ZNF738: variants seen among roughly 807,000 people sequenced by gnomAD.
ZNF738 encodes the protein protein ZNF738.
In ZNF738, 10 loss-of-function variants were observed where a neutral mutation model predicts 9.2. The ratio of observed to expected loss-of-function variants is 1.09; its 90% CI spans 0.67 to 1.85. ZNF738 has a LOEUF of 1.85. Among genes scored for constraint, ZNF738 ranks in the 40% most tolerant of loss-of-function variants. The pLI is 0.00. For missense variants in ZNF738, 346 were observed against 283.6 expected (o/e 1.22, Z -1.58); for synonymous variants, 113 against 94.5 (o/e 1.20, Z -1.14).
At chr19:21,367,950 A>G (rs1322643677) in intron 2 of ZNF738, among the ~76,000 whole-genome samples, 3 of 152,156 alleles carry the variant, frequency 2.0e-5, no homozygotes, top group Non-Finnish European at 2.9e-5. Flanking sequence ...TTCTCCATCT[A>G]CCTAGCATTA....
intron 1 of ZNF738, 98 bp from the exon 2 acceptor site, chr19:21,361,668 G>A: frequency 1.4e-6 from 1 of 718,968 alleles, no homozygotes; most frequent in South Asian, 1.4e-5. Context: ...CCGGTCCTGG[G>A]TTTCAGTATT....
At chr19:21,369,135 T>A (rs1973824656) in intron 2 of ZNF738, among the ~76,000 whole-genome samples, 1 of 152,196 alleles carries the variant, frequency 6.6e-6, no homozygotes, top group Non-Finnish European at 1.5e-5. Flanking sequence ...AGTGTCTCAC[T>A]CTGTCACATA....
chr19:21,374,594 AATC>A (rs1568369176), intron 2 of ZNF738, among the ~76,000 whole-genome samples: 1 of 152,134 alleles, frequency 6.6e-6, no homozygotes, highest in African/African-American at 2.4e-5. Context: ...GCTGTGCATA[AATC>A]ATCACATTTA....
chr19:21,367,511 G>A (rs756069101), intron 2 of ZNF738, among the ~76,000 whole-genome samples: 1 of 152,126 alleles, frequency 6.6e-6, no homozygotes, highest in Non-Finnish European at 1.5e-5. Flanking sequence ...TTGAGTTGGT[G>A]TTAGAGAATT....
Position 21,387,092 on chromosome 19 carries a change from A to AC in ZNF738, c.*3419dup, listed in dbSNP as rs1479766922. On this transcript the variant is annotated 3_prime_UTR_variant, in exon 5 of 5. Transcript: ENST00000683779. The stretch of plus-strand genomic sequence containing the variant: ...GAAAGATGCAATAATGCTTTTGACA[A>AC]CACCTCAAGCTTTTCTAACCATAAA... 6.5e-6 allele frequency: 1 copy of AC among 153,744 alleles called. No individual in the cohort carries two copies. The highest frequency in any genetic ancestry group is 1.5e-5 in the Non-Finnish European group (1 of 68,098). 9.5% of individuals were successfully genotyped at this position (153,744 alleles called of 1,614,324 possible).
At chr19:21,374,364 A>G (rs1447361832) in intron 2 of ZNF738, among the ~76,000 whole-genome samples, 1 of 152,190 alleles carries the variant, frequency 6.6e-6, no homozygotes, top group Non-Finnish European at 1.5e-5. Context: ...TCTGCATAAA[A>G]CTGATTTTTC....
At chr19:21,378,926 C>T (rs1973973179) in intron 4 of ZNF738, 1 of 152,274 alleles carries the variant, frequency 6.6e-6, no homozygotes, top group African/African-American at 2.4e-5. Flanking sequence ...TTGCAGCTCC[C>T]GAGATTCTCT....
chr19:21,386,380 A>G lies in ZNF738; in HGVS notation c.*2706A>G. ...AGCTTTTAATCAATCCTCAAACCTT[A>G]CTAAACATAAGATAACTCATACTGG... is the stretch of plus-strand genomic sequence containing the variant. On this transcript the variant is annotated 3_prime_UTR_variant, in exon 5 of 5. Coordinates refer to ENST00000683779, the MANE Select transcript of ZNF738 (RefSeq NM_001355237.2). 1 of 315,736 alleles carries G rather than the reference A, an allele frequency of 3.2e-6. No homozygotes were observed. The highest frequency in any genetic ancestry group is 3.2e-5 in the South Asian group (1 of 30,938). The allele number at this position is 315,736 out of a possible 1,614,324, so 19.6% of individuals were successfully genotyped here.
chr19:21,375,751 A>G (rs1424859991), intron 3 of ZNF738, 118 bp from the exon 4 acceptor site: 2 of 503,398 alleles, frequency 4.0e-6, no homozygotes, highest in Admixed American at 3.5e-5. Context: ...GTCATTAAAT[A>G]GTATTTTGGG....
At chr19:21,378,324 A>G (rs1447173110) in intron 4 of ZNF738, 2 of 235,476 alleles carry the variant, frequency 8.5e-6, no homozygotes, top group African/African-American at 4.5e-5. Context: ...GTGTTTTAAT[A>G]TGATTTTGTG....
At chr19:21,377,866 A>G (rs1973952550) in intron 4 of ZNF738, 1 of 380,946 alleles carries the variant, frequency 2.6e-6, no homozygotes. Flanking sequence ...TTCTGAAACA[A>G]AGAGACTTAC....
intron 4 of ZNF738, chr19:21,381,312 C>A: frequency 1.7e-5 from 26 of 1,575,482 alleles, no homozygotes; most frequent in Non-Finnish European, 2.3e-5. Context: ...TCAACATAGT[C>A]CATTTCCGCT....
intron 4 of ZNF738, chr19:21,379,213 A>G (rs1349083301): frequency 1.3e-5 from 2 of 151,440 alleles, no homozygotes; most frequent in African/African-American, 4.9e-5. Context: ...TACATTTTTT[A>G]TTTCTTTCTG....
In ZNF738 at chr19:21,385,598, A is replaced by G. The variant is rs1378864799; in HGVS notation, c.*1924A>G. Among the ~76,000 whole-genome samples, 1 of 152,210 alleles carries G rather than the reference A, an allele frequency of 6.6e-6. No individual in the cohort carries two copies. Among genetic ancestry groups the G allele is most frequent in the Non-Finnish European group, 1.5e-5 (1 of 68,038 alleles). On this transcript the variant is annotated 3_prime_UTR_variant, in exon 5 of 5. Coordinates refer to ENST00000683779, the MANE Select transcript of ZNF738 (RefSeq NM_001355237.2). Reference sequence around the variant, plus strand: ...AGAAATCATACTGGAAGGAAACCCTACAAATGTAAAGAATGTGAGAAAGCT... The same window carrying G: ...AGAAATCATACTGGAAGGAAACCCTGCAAATGTAAAGAATGTGAGAAAGCT...
chr19:21,363,877 A>C (rs1310932026), intron 2 of ZNF738, among the ~76,000 whole-genome samples: 2 of 94,940 alleles, frequency 2.1e-5, no homozygotes, highest in African/African-American at 5.2e-5. Context: ...TGACAGTGAG[A>C]CTCCATTTAA....
rs1305640348 is a variant in ZNF738, at chr19:21,384,769, G to T, written c.*1095G>T. Among the ~76,000 whole-genome samples, 3 of 152,120 alleles carry T rather than the reference G, an allele frequency of 2.0e-5. No homozygotes were observed. The highest frequency in any genetic ancestry group is 1.5e-5 in the Non-Finnish European group (1 of 68,020). ...AAACCCTACAAATGTGAAGAATGTG[G>T]CAAAGCTTATAACTGGTCCTCAAAC... On this transcript the variant is annotated 3_prime_UTR_variant, in exon 5 of 5. Coordinates refer to ENST00000683779, the MANE Select transcript of ZNF738 (RefSeq NM_001355237.2).
At chr19:21,375,506 A>G (rs2145233796) in intron 3 of ZNF738, 142 bp downstream of exon 3, 4 of 528,666 alleles carry the variant, frequency 7.6e-6, no homozygotes, top group East Asian at 6.3e-5. Context: ...GGAATTATCC[A>G]TGCAGAAAAA....
Position 21,382,863 on chromosome 19 carries a change from C to A in ZNF738, c.320-3C>A, listed in dbSNP as rs1252834604. The A allele has an allele frequency of 1.2e-5, 5 of 429,688 alleles. No individual in the cohort carries two copies. Among genetic ancestry groups the A allele is most frequent in the Non-Finnish European group, 2.2e-5 (5 of 222,266 alleles). 26.6% of individuals were successfully genotyped at this position (429,688 alleles called of 1,614,324 possible). On this transcript the variant is annotated splice_polypyrimidine_tract_variant and splice_region_variant and intron_variant, in intron 4 of 4. Coordinates refer to ENST00000683779, the MANE Select transcript of ZNF738 (RefSeq NM_001355237.2). Reference sequence around the variant, plus strand: ...AGTAACTTGATATTTTTATTTCTTTCAGTTACATATTCTCATTTTGCCCAG... The same window carrying A: ...AGTAACTTGATATTTTTATTTCTTTAAGTTACATATTCTCATTTTGCCCAG...
At position 21,386,631 on chromosome 19, in the gene ZNF738, A is replaced by G; in HGVS notation, c.*2957A>G. 1 of 239,616 alleles carries G rather than the reference A, an allele frequency of 4.2e-6. No homozygotes were observed. Among genetic ancestry groups the G allele is most frequent in the Non-Finnish European group, 9.1e-6 (1 of 109,732 alleles). 14.8% of individuals were successfully genotyped at this position (239,616 alleles called of 1,614,324 possible). The stretch of plus-strand genomic sequence containing the variant: ...AGCCTTTAACCAGTCCTCAATTCTT[A>G]CCAAACATAAGAAAATTCATATTGG... On this transcript the variant is annotated 3_prime_UTR_variant, in exon 5 of 5. Transcript: ENST00000683779.
Sources: allele counts gnomAD v4.1 joint callset (sites outside exome capture counted in the v4.1 genomes callset), GRCh38; gene constraint gnomAD v4.1.1; transcripts MANE v1.5; gene names NCBI Gene and HGNC (gene_info 2026-07-23, HGNC 2026-07-21).